The following DCC variants were observed in gnomAD, a reference collection of about 807,000 sequenced individuals.
DCC encodes DCC netrin 1 receptor.
DCC carries 58 observed loss-of-function variants against 172.5 expected under a neutral mutation model. That is an observed-to-expected ratio of 0.34 (90% CI 0.27 to 0.42). The LOEUF is 0.42. Among genes scored for constraint, DCC ranks in the 10% least tolerant of loss-of-function variants. DCC has a pLI of 1.00. For missense variants in DCC, 1,740 were observed against 1,791.0 expected (o/e 0.97, Z 0.51); for synonymous variants, 709 against 644.5 (o/e 1.10, Z -1.52).
At position 53,526,754 on chromosome 18, in the gene DCC, G is replaced by C; in HGVS notation, c.4249G>C (p.Ala1417Pro). Residue 1417 changes from alanine (A) to proline (P), a missense_variant, in exon 28 of 29, where the codon GCC (alanine) becomes CCC (proline). This residue lies in a region of DCC where 1,732 missense variants were observed against 1,767.4 expected (regional missense o/e 0.98). Transcript: ENST00000442544. ...GAGCCACAAACCAACAGAGGATTCA[G>C]CCAATGTAAGGGCATCTTTAAAATT... Reference protein sequence around the residue: ...EESHKPTEDSANVYEQDDLSE... With the variant: ...EESHKPTEDSPNVYEQDDLSE... 6.2e-7 allele frequency: 1 copy of C among 1,613,354 alleles called. No individual in the cohort carries two copies. Among genetic ancestry groups the C allele is most frequent in the Non-Finnish European group, 8.5e-7 (1 of 1,179,558 alleles).
At chr18:52,819,939 A>G (rs1416166538) in intron 2 of DCC, among the ~76,000 whole-genome samples, 1 of 151,902 alleles carries the variant, frequency 6.6e-6, no homozygotes, top group East Asian at 1.9e-4. Flanking sequence ...CCAGGATGGT[A>G]TCAATCTCCT....
intron 1 of DCC, among the ~76,000 whole-genome samples, chr18:52,342,107 C>T (rs945679340): frequency 6.6e-6 from 1 of 152,150 alleles, no homozygotes; most frequent in East Asian, 1.9e-4. Context: ...GCAGAAAATG[C>T]GCCTCTCACT....
chr18:53,356,005 C>G (rs1026286510), intron 15 of DCC, among the ~76,000 whole-genome samples: 5 of 152,092 alleles, frequency 3.3e-5, no homozygotes, highest in Non-Finnish European at 7.4e-5. Flanking sequence ...CCCAATATCA[C>G]TGTTCTCAAC....
At chr18:52,993,511 G>A (rs1204041933) in intron 5 of DCC, among the ~76,000 whole-genome samples, 4 of 149,888 alleles carry the variant, frequency 2.7e-5, no homozygotes, top group Admixed American at 6.7e-5. Context: ...GAGAAACTCG[G>A]GTTCTATTAT....
chr18:53,306,746 T>C (rs2057204961), intron 13 of DCC, among the ~76,000 whole-genome samples: 1 of 152,230 alleles, frequency 6.6e-6, no homozygotes, highest in South Asian at 2.1e-4. Flanking sequence ...GCCTAGGGTA[T>C]GATCAGAGCT....
intron 9 of DCC, among the ~76,000 whole-genome samples, chr18:53,179,677 A>G (rs1026622896): frequency 1.3e-5 from 2 of 152,208 alleles, no homozygotes; most frequent in African/African-American, 4.8e-5. Context: ...TTCACAAAGT[A>G]GAGCAGCTGA....
intron 1 of DCC, among the ~76,000 whole-genome samples, chr18:52,355,235 G>A (rs911497660): frequency 6.6e-6 from 1 of 151,906 alleles, no homozygotes; most frequent in South Asian, 2.1e-4. Flanking sequence ...AGAATGAAAA[G>A]CACAAAACTT....
chr18:52,445,578 CTG>C (rs1464905628), intron 1 of DCC, among the ~76,000 whole-genome samples: 2 of 152,140 alleles, frequency 1.3e-5, no homozygotes, highest in Non-Finnish European at 2.9e-5. Flanking sequence ...GCTTGGGTCT[CTG>C]TGTGTAGTCT....
chr18:52,854,672 G>A (rs2039024475), intron 2 of DCC, among the ~76,000 whole-genome samples: 1 of 152,332 alleles, frequency 6.6e-6, no homozygotes, highest in East Asian at 1.9e-4. Flanking sequence ...CTGACTGTGA[G>A]CTTGAGAAAA....
intron 9 of DCC, among the ~76,000 whole-genome samples, chr18:53,186,977 C>T (rs1301609737): frequency 1.3e-5 from 2 of 152,074 alleles, no homozygotes; most frequent in Non-Finnish European, 2.9e-5. Context: ...AAGGACTAAT[C>T]TCTTCATGAG....
intron 2 of DCC, among the ~76,000 whole-genome samples, chr18:52,884,196 T>C (rs2039536466): frequency 6.6e-6 from 1 of 152,114 alleles, no homozygotes; most frequent in South Asian, 2.1e-4. Context: ...TAAATCTCCT[T>C]GGTGCTCAAT....
chr18:53,239,606 G>A (rs1049180913), intron 12 of DCC, among the ~76,000 whole-genome samples: 1 of 152,080 alleles, frequency 6.6e-6, no homozygotes, highest in Non-Finnish European at 1.5e-5. Context: ...TGGTGTTTTT[G>A]ACATGAACAC....
intron 1 of DCC, among the ~76,000 whole-genome samples, chr18:52,610,172 AAAAAAAATATATATATATATATATAT>A (rs2034235309): frequency 3.2e-4 from 6 of 18,816 alleles, no homozygotes; most frequent in Admixed American, 1.0e-3. Flanking sequence ...AAAAAAAAAA[AAAAAAAATATATATATATATATATAT>A]ATATATATAT....
chr18:52,993,562 T>C (rs2145626463), intron 5 of DCC, among the ~76,000 whole-genome samples: 1 of 152,264 alleles, frequency 6.6e-6, no homozygotes, highest in East Asian at 1.9e-4. Flanking sequence ...GAGACTGTAT[T>C]GTCAAAGGAA....
rs532045801 is a variant in DCC at position 52,894,868 on chromosome 18, T to C, written c.413-11176T>C. 2.1e-3 allele frequency among the ~76,000 whole-genome samples: 316 copies of C among 152,316 alleles called. 1 individual carries two copies. Among genetic ancestry groups the C allele is most frequent in the African/African-American group, 7.2e-3 (299 of 41,578 alleles). ...GGAAGACATTGTTTTATTCAGTCTA[T>C]TGATTTAAATTTTAATTTTATCTAG... On this transcript the variant is annotated intron_variant, in intron 2 of 28. Transcript: ENST00000442544.
chr18:52,650,358 A>G (rs1398370773), intron 1 of DCC, among the ~76,000 whole-genome samples: 2 of 152,148 alleles, frequency 1.3e-5, no homozygotes, highest in Non-Finnish European at 2.9e-5. Flanking sequence ...TGAGAGGATG[A>G]GATGAGAGTA....
chr18:52,558,625 A>G (rs2032968169), intron 1 of DCC, among the ~76,000 whole-genome samples: 1 of 152,178 alleles, frequency 6.6e-6, no homozygotes, highest in Admixed American at 6.6e-5. Context: ...AACGGGGTTT[A>G]TCACACCCAT....
At chr18:53,295,599 G>A (rs1178916664) in intron 12 of DCC, among the ~76,000 whole-genome samples, 3 of 152,110 alleles carry the variant, frequency 2.0e-5, no homozygotes, top group Admixed American at 6.5e-5. Context: ...GAGATTATGA[G>A]TATAACATTT....
At chr18:52,343,809 C>T (rs1983761163) in intron 1 of DCC, among the ~76,000 whole-genome samples, 2 of 152,236 alleles carry the variant, frequency 1.3e-5, no homozygotes, top group Admixed American at 1.3e-4. Flanking sequence ...TAGGCGACCT[C>T]TTCTCATTCC....
Sources: allele counts gnomAD v4.1 joint callset (sites outside exome capture counted in the v4.1 genomes callset), GRCh38; gene constraint gnomAD v4.1.1; regional missense constraint gnomAD v4.1.1; transcripts MANE v1.5; gene names NCBI Gene and HGNC (gene_info 2026-07-23, HGNC 2026-07-21).